Variants in CACNB2 observed in about 807,000 individuals in gnomAD.
The protein encoded by CACNB2 is voltage-dependent L-type calcium channel subunit beta-2.
A neutral mutation model predicts 73.3 loss-of-function variants in CACNB2; 42 were observed. The observed-to-expected ratio is 0.57, with a 90% confidence interval of 0.45 to 0.74. The LOEUF (loss-of-function observed/expected upper bound fraction) is 0.74, where lower values mean the gene tolerates loss of function less well. CACNB2 is among the 30% of genes least tolerant of loss of function. The pLI is 0.00. For missense variants in CACNB2, 940 were observed against 853.0 expected, an observed-to-expected ratio of 1.10 and a Z score of -1.27; for synonymous variants, 348 against 310.3, an observed-to-expected ratio of 1.12 and a Z score of -1.28.
chr10:18,459,477 C>G (rs1342380273), intron 3 of CACNB2, among the ~76,000 whole-genome samples: 1 of 152,188 alleles, frequency 6.6e-6, no homozygotes, highest in East Asian at 1.9e-4. Flanking sequence ...CCTGAATCAT[C>G]CAGGCTTTAC....
intron 3 of CACNB2, among the ~76,000 whole-genome samples, chr10:18,459,745 G>A (rs1027781364): frequency 2.0e-5 from 3 of 152,138 alleles, no homozygotes; most frequent in Non-Finnish European, 2.9e-5. Context: ...AGTGGCTCAC[G>A]CCTGTAATCC....
chr10:18,261,946 A>G (rs2037564319), intron 2 of CACNB2: 1 of 518,904 alleles, frequency 1.9e-6, no homozygotes, highest in Non-Finnish European at 3.8e-6. Context: ...ACTTAACATG[A>G]TTGGATGCTA....
At chr10:18,299,846 A>G (rs1192803974) in intron 2 of CACNB2, among the ~76,000 whole-genome samples, 2 of 152,202 alleles carry the variant, frequency 1.3e-5, no homozygotes, top group Non-Finnish European at 2.9e-5. Flanking sequence ...GTCACGAGAA[A>G]GAGCAGCTGG....
At chr10:18,342,531 G>C (rs1220643135) in intron 2 of CACNB2, among the ~76,000 whole-genome samples, 1 of 152,106 alleles carries the variant, frequency 6.6e-6, no homozygotes. Flanking sequence ...TAAGTATCAT[G>C]GGGAATCTGC....
At chr10:18,431,438 G>A (rs1564540440) in intron 3 of CACNB2, among the ~76,000 whole-genome samples, 1 of 152,002 alleles carries the variant, frequency 6.6e-6, no homozygotes, top group African/African-American at 2.4e-5. Flanking sequence ...AAAATCTATT[G>A]CCTTTTCCTG....
chr10:18,368,755 A>T (rs1290902831), intron 2 of CACNB2, among the ~76,000 whole-genome samples: 1 of 152,200 alleles, frequency 6.6e-6, no homozygotes, highest in East Asian at 1.9e-4. Context: ...CCTGTTATAT[A>T]TGATTATGCA....
intron 2 of CACNB2, among the ~76,000 whole-genome samples, chr10:18,154,619 C>T (rs540623892): frequency 4.2e-4 from 64 of 152,222 alleles, no homozygotes; most frequent in African/African-American, 1.5e-3. Context: ...AGGTGTGCAC[C>T]ACCATGTCTG....
intron 2 of CACNB2, among the ~76,000 whole-genome samples, chr10:18,387,287 A>C (rs746891888): frequency 1.3e-5 from 2 of 152,038 alleles, no homozygotes; most frequent in African/African-American, 2.4e-5. Flanking sequence ...TCTCCCTGCC[A>C]TCTTCCCTCA....
chr10:18,441,269 G>A (rs2046396837), intron 3 of CACNB2, among the ~76,000 whole-genome samples: 1 of 152,164 alleles, frequency 6.6e-6, no homozygotes, highest in Admixed American at 6.6e-5. Context: ...GCTGGGTGTG[G>A]TGGCGCATGC....
At chr10:18,412,446 C>A (rs188875495) in intron 3 of CACNB2, among the ~76,000 whole-genome samples, 290 of 151,674 alleles carry the variant, frequency 1.9e-3, no homozygotes, top group African/African-American at 6.3e-3. Flanking sequence ...AACCTTATCA[C>A]CCCAGGCTTT....
At chr10:18,331,369 A>T (rs1271492392) in intron 2 of CACNB2, among the ~76,000 whole-genome samples, 1 of 151,266 alleles carries the variant, frequency 6.6e-6, no homozygotes, top group Non-Finnish European at 1.5e-5. Flanking sequence ...CAGGAGGATC[A>T]CTTGAGCCTA....
At chr10:18,189,052 C>G (rs534348336) in intron 2 of CACNB2, among the ~76,000 whole-genome samples, 1 of 152,290 alleles carries the variant, frequency 6.6e-6, no homozygotes, top group South Asian at 2.1e-4. Context: ...GCCTCCAACT[C>G]CTGGGCTCAA....
chr10:18,261,133 G>A (rs910630963), intron 2 of CACNB2: 1 of 1,524,746 alleles, frequency 6.6e-7, no homozygotes, highest in Non-Finnish European at 8.8e-7. Flanking sequence ...TACCTAGGAG[G>A]CAGAAGCTAA....
intron 2 of CACNB2, among the ~76,000 whole-genome samples, chr10:18,262,405 C>T (rs1475056413): frequency 1.3e-5 from 2 of 151,940 alleles, no homozygotes. Context: ...CATGAAAAAC[C>T]CCTTTTATTT....
intron 3 of CACNB2, among the ~76,000 whole-genome samples, chr10:18,460,849 C>G (rs2047534317): frequency 6.7e-6 from 1 of 150,162 alleles, no homozygotes; most frequent in African/African-American, 2.5e-5. Flanking sequence ...GTGATAGTGC[C>G]ACTGCACTCC....
chr10:18,215,129 G>A (rs765381036), intron 2 of CACNB2, among the ~76,000 whole-genome samples: 3 of 152,002 alleles, frequency 2.0e-5, no homozygotes, highest in Non-Finnish European at 4.4e-5. Context: ...GAGATTCCCA[G>A]TATGGTATTC....
chr10:18,420,048 C>G (rs1176375488), intron 3 of CACNB2, among the ~76,000 whole-genome samples: 1 of 152,124 alleles, frequency 6.6e-6, no homozygotes, highest in African/African-American at 2.4e-5. Flanking sequence ...TATCTTATGA[C>G]CAGGCGTGCC....
At chr10:18,488,498 A>G (rs1287559650) in intron 3 of CACNB2, among the ~76,000 whole-genome samples, 2 of 136,728 alleles carry the variant, frequency 1.5e-5, no homozygotes, top group African/African-American at 5.4e-5. Flanking sequence ...AAAAAAAAAA[A>G]AGAAAATCAG....
intron 10 of CACNB2, among the ~76,000 whole-genome samples, chr10:18,531,669 C>T (rs2053043075): frequency 6.6e-6 from 1 of 152,138 alleles, no homozygotes; most frequent in African/African-American, 2.4e-5. Context: ...ACCTCAACAG[C>T]ATCTGTTATT....
Sources: gnomAD v4.1 joint callset for allele counts (sites outside exome capture counted in the v4.1 genomes callset) on GRCh38, gnomAD v4.1.1 for gene constraint, MANE v1.5 for transcripts, NCBI Gene and HGNC (gene_info 2026-07-23, HGNC 2026-07-21) for gene names.